ANKS1B: variants seen among roughly 807,000 people sequenced by gnomAD.
ANKS1B encodes the protein ankyrin repeat and sterile alpha motif domain containing 1B.
A neutral mutation model predicts 148.3 loss-of-function variants in ANKS1B; 36 were observed. The observed-to-expected ratio is 0.24, with a 90% CI of 0.19 to 0.32. The LOEUF (loss-of-function observed/expected upper bound fraction) is 0.32. Among genes scored for constraint, ANKS1B ranks in the 10% least tolerant of loss-of-function variants. The pLI is 1.00. For synonymous variants in ANKS1B, 542 were observed against 560.8 expected (o/e 0.97, Z 0.47); for missense variants, 1,157 against 1,542.6 (o/e 0.75, Z 4.19).
intron 9 of ANKS1B, among the ~76,000 whole-genome samples, chr12:99,509,311 G>T (rs2096741179): frequency 6.6e-6 from 1 of 151,952 alleles, no homozygotes; most frequent in East Asian, 1.9e-4. Flanking sequence ...AATGATTAAG[G>T]TTAGTGAAGA....
chr12:99,434,152 C>T (rs2095423072), intron 11 of ANKS1B, among the ~76,000 whole-genome samples: 1 of 152,076 alleles, frequency 6.6e-6, no homozygotes, highest in South Asian at 2.1e-4. Flanking sequence ...TATAGTCAAA[C>T]AGATTTCCTT....
chr12:98,862,417 T>C (rs867109834), intron 17 of ANKS1B, among the ~76,000 whole-genome samples: 10 of 152,292 alleles, frequency 6.6e-5, no homozygotes, highest in Middle Eastern at 3.4e-3. Flanking sequence ...GCAAAGTACT[T>C]ACACAGTGAC....
chr12:99,624,709 A>G (rs182457383), intron 9 of ANKS1B, among the ~76,000 whole-genome samples: 2 of 152,254 alleles, frequency 1.3e-5, no homozygotes, highest in Non-Finnish European at 2.9e-5. Flanking sequence ...ATACTAACTC[A>G]TACCAGTCAG....
intron 8 of ANKS1B, among the ~76,000 whole-genome samples, chr12:99,711,751 T>C (rs2056667263): frequency 6.6e-6 from 1 of 152,128 alleles, no homozygotes; most frequent in Non-Finnish European, 1.5e-5. Flanking sequence ...TTGGTGGGAA[T>C]GTAAAATTAG....
rs572020252 is a variant in ANKS1B, at chr12:99,118,420, C to T, written c.2527-33397G>A. On this transcript the variant is annotated intron_variant, in intron 15 of 26. Coordinates refer to ENST00000683438, the MANE Select transcript of ANKS1B (RefSeq NM_001352186.2). ...GAATTGGTTACACTGCATATGAGAA[C>T]ATTTTGATGCAGTATAATCTTTTAT... Among the ~76,000 whole-genome samples, 3 of 152,262 alleles carry T rather than the reference C, an allele frequency of 2.0e-5. No individual in the cohort carries two copies. The South Asian group carries it at 6.2e-4, about 32-fold the overall frequency.
intron 17 of ANKS1B, among the ~76,000 whole-genome samples, chr12:98,952,439 C>T (rs552032599): frequency 6.6e-6 from 1 of 152,340 alleles, no homozygotes; most frequent in South Asian, 2.1e-4. Context: ...GTGAAAGCAT[C>T]ACAGATAATG....
intron 1 of ANKS1B, among the ~76,000 whole-genome samples, chr12:99,890,562 G>A (rs11110089): frequency 0.11 from 14,791 of 139,188 alleles, 861 homozygotes; most frequent in African/African-American, 0.17. Context: ...TTTCTCACTC[G>A]CATTCATGGT....
chr12:99,028,790 C>T (rs150771861), intron 17 of ANKS1B, among the ~76,000 whole-genome samples: 22 of 152,274 alleles, frequency 1.4e-4, no homozygotes, highest in African/African-American at 4.3e-4. Context: ...TCAGAAATGA[C>T]GAACTGGCTC....
chr12:99,145,669 C>T (rs891850820), intron 15 of ANKS1B, among the ~76,000 whole-genome samples: 1 of 151,976 alleles, frequency 6.6e-6, no homozygotes, highest in Admixed American at 6.6e-5. Context: ...GTATGACAAA[C>T]GGAGTGCTTT....
chr12:99,024,381 A>C (rs2099947537), intron 17 of ANKS1B, among the ~76,000 whole-genome samples: 1 of 152,146 alleles, frequency 6.6e-6, no homozygotes. Context: ...CTGTCATTGC[A>C]TTTCCCTGAT....
At chr12:99,048,651 AAAT>A (rs1372558305) in intron 17 of ANKS1B, 2 of 152,680 alleles carry the variant, frequency 1.3e-5, no homozygotes, top group Non-Finnish European at 2.9e-5. Flanking sequence ...AAGGTAGTAG[AAAT>A]AATAATGTCA....
chr12:99,738,131 T>A (rs2059781595), intron 8 of ANKS1B, among the ~76,000 whole-genome samples: 2 of 152,180 alleles, frequency 1.3e-5, no homozygotes, highest in Non-Finnish European at 2.9e-5. Flanking sequence ...GACATGGAAT[T>A]TATATAATGT....
At chr12:99,363,142 T>A (rs1197808524) in intron 12 of ANKS1B, among the ~76,000 whole-genome samples, 1 of 151,994 alleles carries the variant, frequency 6.6e-6, no homozygotes, top group African/African-American at 2.4e-5. Context: ...CTACTTAGCC[T>A]ATAAAAAAAT....
At chr12:99,402,618 G>A (rs994014222) in intron 11 of ANKS1B, among the ~76,000 whole-genome samples, 1 of 145,594 alleles carries the variant, frequency 6.9e-6, no homozygotes, top group Non-Finnish European at 1.5e-5. Context: ...ACAGCCTCCA[G>A]CTCCATCCAT....
intron 1 of ANKS1B, among the ~76,000 whole-genome samples, chr12:99,896,976 T>A (rs530161588): frequency 4.2e-4 from 64 of 151,404 alleles, no homozygotes; most frequent in African/African-American, 1.5e-3. Flanking sequence ...CAAAAATCTA[T>A]CTCACAGAGA....
At chr12:99,292,326 CTAAAAA>C (rs60100516) in intron 12 of ANKS1B, among the ~76,000 whole-genome samples, 3,098 of 139,508 alleles carry the variant, frequency 0.022, 45 homozygotes, top group African/African-American at 0.043. Flanking sequence ...CCCATCTCTA[CTAAAAA>C]TAAAAATAAA....
At chr12:99,444,936 T>C (rs184245629) in intron 10 of ANKS1B, among the ~76,000 whole-genome samples, 55 of 152,026 alleles carry the variant, frequency 3.6e-4, no homozygotes, top group Admixed American at 2.1e-3. Flanking sequence ...TGAATTATCA[T>C]AAAACTCTAC....
chr12:99,737,557 G>C (rs1685746026), intron 8 of ANKS1B, among the ~76,000 whole-genome samples: 1 of 152,008 alleles, frequency 6.6e-6, no homozygotes, highest in African/African-American at 2.4e-5. Context: ...ACCCTTCAGT[G>C]GGTATTCCAT....
chr12:98,793,048 C>T (rs575600491), intron 22 of ANKS1B, among the ~76,000 whole-genome samples: 1 of 152,152 alleles, frequency 6.6e-6, no homozygotes, highest in Non-Finnish European at 1.5e-5. Flanking sequence ...CATACTGTTT[C>T]CATCATTGCT....
Sources: gnomAD v4.1 joint callset for allele counts (sites outside exome capture counted in the v4.1 genomes callset) on GRCh38, gnomAD v4.1.1 for gene constraint, MANE v1.5 for transcripts, NCBI Gene and HGNC (gene_info 2026-07-23, HGNC 2026-07-21) for gene names.